The following ADAMTS2 variants were observed in gnomAD, a reference collection of about 807,000 sequenced individuals.
ADAMTS2 encodes A disintegrin and metalloproteinase with thrombospondin motifs 2.
Under a neutral mutation model 123.0 loss-of-function variants are expected in ADAMTS2, and 50 were observed. The ratio of observed to expected loss-of-function variants is 0.41; its 90% CI spans 0.32 to 0.51. ADAMTS2 has a LOEUF of 0.51. Among genes scored for constraint, ADAMTS2 ranks in the 20% least tolerant of loss-of-function variants. The probability of loss-of-function intolerance (pLI) is 0.35; values close to 1 mark genes in which losing one functional copy is unlikely to be tolerated. For missense variants in ADAMTS2, 1,494 were observed against 1,705.2 expected (o/e 0.88, Z 2.18); for synonymous variants, 678 against 695.4 (o/e 0.98, Z 0.39).
chr5:179,195,155 G>A (rs963221840), intron 4 of ADAMTS2, among the ~76,000 whole-genome samples: 9 of 152,196 alleles, frequency 5.9e-5, no homozygotes, highest in Non-Finnish European at 1.0e-4. Context: ...CCTGTGCTCT[G>A]AGCTCCCCCA....
chr5:179,190,141 G>A (rs545992802), intron 4 of ADAMTS2, among the ~76,000 whole-genome samples: 3 of 152,258 alleles, frequency 2.0e-5, no homozygotes, highest in East Asian at 3.9e-4. Context: ...TGGGCTCAGA[G>A]GCCTGACATT....
Position 179,287,805 on chromosome 5 carries a change from G to T in ADAMTS2, c.535-14741C>A, listed in dbSNP as rs537865648. Among the ~76,000 whole-genome samples, 5 of 152,330 alleles carry T rather than the reference G, an allele frequency of 3.3e-5. No homozygotes were observed. In the East Asian group the frequency reaches 9.7e-4, roughly 29 times the overall value. Reference sequence around the variant, plus strand: ...CACCAAGGGCCCAGCTGCCTGGCTGGCTCCCAGCAGTGTGGGGAAGACACA... The same window carrying T: ...CACCAAGGGCCCAGCTGCCTGGCTGTCTCCCAGCAGTGTGGGGAAGACACA... On this transcript the variant is annotated intron_variant, in intron 2 of 21. Coordinates refer to ENST00000251582, the MANE Select transcript of ADAMTS2 (RefSeq NM_014244.5).
chr5:179,119,740 G>A (rs1762721331), intron 21 of ADAMTS2, among the ~76,000 whole-genome samples: 1 of 152,216 alleles, frequency 6.6e-6, no homozygotes, highest in Admixed American at 6.5e-5. Flanking sequence ...AGCCAGGGTA[G>A]TGACCTGCTG....
chr5:179,320,169 C>T (rs1757121559), intron 2 of ADAMTS2, among the ~76,000 whole-genome samples: 1 of 152,242 alleles, frequency 6.6e-6, no homozygotes, highest in African/African-American at 2.4e-5. Flanking sequence ...CCCTCCCGCT[C>T]CATGTCTGCC....
In ADAMTS2 at chr5:179,256,396, C is replaced by T. The variant is rs958587293; in HGVS notation, c.688+16515G>A. 6.6e-6 allele frequency among the ~76,000 whole-genome samples: 1 copy of T among 152,198 alleles called. No individual in the cohort carries two copies. Among genetic ancestry groups the T allele is most frequent in the Non-Finnish European group, 1.5e-5 (1 of 68,046 alleles). ...CAGCAGGACTCATCCAGAGACAGGA[C>T]AGACCCTGGGCTCCTGGTGCCCAGC... On this transcript the variant is annotated intron_variant, in intron 3 of 21. Coordinates refer to ENST00000251582, the MANE Select transcript of ADAMTS2 (RefSeq NM_014244.5). This position sits in a 1 kb window ranked among gnomAD's most constrained non-coding sequence, Gnocchi z 4.1.
intron 4 of ADAMTS2, among the ~76,000 whole-genome samples, chr5:179,195,756 T>C (rs1054391899): frequency 6.6e-6 from 1 of 152,144 alleles, no homozygotes; most frequent in African/African-American, 2.4e-5. Flanking sequence ...CATGGCTGTG[T>C]CTCCTGGTGG....
At chr5:179,292,751 C>T (rs567495293) in intron 2 of ADAMTS2, among the ~76,000 whole-genome samples, 1 of 152,058 alleles carries the variant, frequency 6.6e-6, no homozygotes, top group Non-Finnish European at 1.5e-5. Flanking sequence ...GAGAGAGAAG[C>T]CCATTGTAAG....
At position 179,158,257 on chromosome 5, in the gene ADAMTS2, G is replaced by A. The variant is rs1643818; in HGVS notation, c.1132+466C>T. On this transcript the variant is annotated intron_variant, in intron 6 of 21. Coordinates refer to ENST00000251582, the MANE Select transcript of ADAMTS2 (RefSeq NM_014244.5). The surrounding 1 kb of genome is among the most constrained non-coding windows in gnomAD (Gnocchi z 5.0). Reference sequence around the variant, plus strand: ...TGGGATTACAGGTGTGAACCACCGCGCCCGGCCTTTTGTCTCTTTTTAAAG... The same window carrying A: ...TGGGATTACAGGTGTGAACCACCGCACCCGGCCTTTTGTCTCTTTTTAAAG... 2.0e-5 allele frequency among the ~76,000 whole-genome samples: 3 copies of A among 152,084 alleles called. No homozygotes were observed. Among genetic ancestry groups the A allele is most frequent in the Non-Finnish European group, 4.4e-5 (3 of 68,018 alleles).
intron 2 of ADAMTS2, among the ~76,000 whole-genome samples, chr5:179,310,863 C>G (rs1207997877): frequency 1.3e-5 from 2 of 152,158 alleles, no homozygotes; most frequent in African/African-American, 4.8e-5. Flanking sequence ...CCACCCCAGA[C>G]CATGGCCAAA....
At position 179,118,893 on chromosome 5, in the gene ADAMTS2, G is replaced by A. The variant is rs1762706540; in HGVS notation, c.3178+2768C>T. ...GACCGCTCAGTGCAGTGCAGCCCCA[G>A]CTATGTTTATGCACCACCGAATCAC... On this transcript the variant is annotated intron_variant, in intron 21 of 21. Coordinates refer to ENST00000251582, the MANE Select transcript of ADAMTS2 (RefSeq NM_014244.5). This position sits in a 1 kb window ranked among gnomAD's most constrained non-coding sequence, Gnocchi z 4.5. Among the ~76,000 whole-genome samples the A allele has an allele frequency of 6.6e-6, 1 of 152,152 alleles. No individual in the cohort carries two copies.
At position 179,316,536 on chromosome 5, in the gene ADAMTS2, C is replaced by G. The variant is rs893288788; in HGVS notation, c.534+27231G>C. On this transcript the variant is annotated intron_variant, in intron 2 of 21. Transcript: ENST00000251582. Reference sequence around the variant, plus strand: ...CCACTCCCAGGGATGGCATTTGAGACCTTCCTGCTGTGTCCCTCCAGGAAC... The same window carrying G: ...CCACTCCCAGGGATGGCATTTGAGAGCTTCCTGCTGTGTCCCTCCAGGAAC... 1.1e-4 allele frequency among the ~76,000 whole-genome samples: 17 copies of G among 152,324 alleles called. No individual in the cohort carries two copies. In the East Asian group the frequency reaches 3.3e-3, roughly 29 times the overall value.
At chr5:179,313,812 A>C (rs1201317921) in intron 2 of ADAMTS2, among the ~76,000 whole-genome samples, 7 of 42,526 alleles carry the variant, frequency 1.6e-4, no homozygotes, top group African/African-American at 4.6e-4. Flanking sequence ...ACTCACACCG[A>C]GACAGAGGAG....
intron 3 of ADAMTS2, among the ~76,000 whole-genome samples, chr5:179,209,064 C>A (rs2113379039): frequency 6.6e-6 from 1 of 152,334 alleles, no homozygotes; most frequent in Admixed American, 6.5e-5. Context: ...GTGAGGGTGG[C>A]CCAGGACAGG....
rs546586867 is a variant in ADAMTS2, at chr5:179,213,468, G to A, written c.689-5753C>T. ...GTGCCCCACAGGTAACCGCAGGGCTGTGAGGGGCCTGGAGCCATGGCAGAG... is the reference window on the plus strand; with the variant it reads ...GTGCCCCACAGGTAACCGCAGGGCTATGAGGGGCCTGGAGCCATGGCAGAG... On this transcript the variant is annotated intron_variant, in intron 3 of 21. Coordinates refer to ENST00000251582, the MANE Select transcript of ADAMTS2 (RefSeq NM_014244.5). 9.2e-5 allele frequency among the ~76,000 whole-genome samples: 14 copies of A among 152,328 alleles called. No individual in the cohort carries two copies. In the South Asian group the frequency reaches 2.7e-3, roughly 29 times the overall value.
chr5:179,290,603 G>A (rs763299849), intron 2 of ADAMTS2, among the ~76,000 whole-genome samples: 3 of 152,166 alleles, frequency 2.0e-5, no homozygotes, highest in Non-Finnish European at 2.9e-5. Context: ...TGCTATTTTT[G>A]CAACTTTTCT....
chr5:179,221,979 C>A (rs1261526444), intron 3 of ADAMTS2, among the ~76,000 whole-genome samples: 1 of 152,206 alleles, frequency 6.6e-6, no homozygotes, highest in Non-Finnish European at 1.5e-5. Flanking sequence ...ACCTGCCTCT[C>A]CCACGGGTAA....
In ADAMTS2 at chr5:179,127,981, C is replaced by A. The variant is rs142355768; in HGVS notation, c.2595G>T (p.Pro865=). Residue 865 remains proline, a synonymous_variant, in exon 17 of 22, where the codon CCG becomes CCT. Coordinates refer to ENST00000251582, the MANE Select transcript of ADAMTS2 (RefSeq NM_014244.5). ...VYEWALKKWS[P]CSKPCGGGSQ... is the part of the protein sequence containing the mutation. The stretch of plus-strand genomic sequence containing the variant: ...CACCTCCGCCACAGGGCTTGGAGCA[C>A]GGAGACCACTTCTTCAGGGCCCACT... 5.0e-6 allele frequency: 8 copies of A among 1,613,878 alleles called. No homozygotes were observed. The highest frequency in any genetic ancestry group is 6.8e-6 in the Non-Finnish European group (8 of 1,180,044).
At chr5:179,186,447 G>A (rs116159650) in intron 4 of ADAMTS2, among the ~76,000 whole-genome samples, 3,501 of 152,270 alleles carry the variant, frequency 0.023, 126 homozygotes, top group African/African-American at 0.079. Context: ...GCTCCACAGT[G>A]TCCTTGTCCT....
intron 3 of ADAMTS2, among the ~76,000 whole-genome samples, chr5:179,269,895 A>G (rs1393706719): frequency 6.6e-6 from 1 of 152,178 alleles, no homozygotes; most frequent in Non-Finnish European, 1.5e-5. Flanking sequence ...ACCCAGCCTC[A>G]GAGCTCGGCC....
Sources: gnomAD v4.1 joint callset for allele counts (sites outside exome capture counted in the v4.1 genomes callset) on GRCh38, gnomAD v4.1.1 for gene constraint, Gnocchi (gnomAD v3.1) non-coding constraint, MANE v1.5 for transcripts, NCBI Gene and HGNC (gene_info 2026-07-23, HGNC 2026-07-21) for gene names.